The following ZPBP variants were observed in gnomAD, a reference collection of about 807,000 sequenced individuals.
The protein encoded by ZPBP is zona pellucida binding protein, also known as zona pellucida-binding protein 1.
Under a neutral mutation model 44.8 loss-of-function variants are expected in ZPBP, and 26 were observed. The observed-to-expected ratio is 0.58, with a 90% CI of 0.43 to 0.81. The LOEUF (loss-of-function observed/expected upper bound fraction) is 0.81. Ranked by LOEUF, ZPBP falls within the 30% of genes least tolerant of loss-of-function variation. The probability of loss-of-function intolerance (pLI) is 0.00; values close to 1 mark genes in which losing one functional copy is unlikely to be tolerated. For synonymous variants in ZPBP, 174 were observed against 153.2 expected (o/e 1.14, Z -1.00); for missense variants, 409 against 434.0 (o/e 0.94, Z 0.51).
intron 3 of ZPBP, among the ~76,000 whole-genome samples, chr7:50,072,835 A>T (rs1801914572): frequency 6.6e-6 from 1 of 152,228 alleles, no homozygotes; most frequent in African/African-American, 2.4e-5. Context: ...GTCCTTTCAA[A>T]TATCTGAAAA....
chr7:50,031,380 T>C, intron 4 of ZPBP, 70 bp from the exon 5 acceptor site: 1 of 1,118,428 alleles, frequency 8.9e-7, no homozygotes, highest in Non-Finnish European at 1.3e-6. Flanking sequence ...TGCAACTATT[T>C]AAGAAATATC....
At chr7:50,055,317 A>C (rs989894345) in intron 4 of ZPBP, among the ~76,000 whole-genome samples, 3 of 152,202 alleles carry the variant, frequency 2.0e-5, no homozygotes, top group Non-Finnish European at 2.9e-5. Flanking sequence ...AACACCATGT[A>C]GCTATTACAA....
chr7:50,069,493 C>T (rs535138079), intron 3 of ZPBP, among the ~76,000 whole-genome samples: 18 of 152,224 alleles, frequency 1.2e-4, no homozygotes, highest in African/African-American at 4.3e-4. Flanking sequence ...GGTCTGAATG[C>T]CTTGGATGTC....
chr7:49,923,043 TAAGAG>T (rs1187583634), intron 1 of ZPBP, among the ~76,000 whole-genome samples: 1 of 152,026 alleles, frequency 6.6e-6, no homozygotes, highest in Non-Finnish European at 1.5e-5. Flanking sequence ...AGAAACAACT[TAAGAG>T]AAAAGAGTGA....
intron 1 of ZPBP, among the ~76,000 whole-genome samples, chr7:49,905,782 G>T (rs934942021): frequency 6.8e-6 from 1 of 147,942 alleles, no homozygotes; most frequent in African/African-American, 2.5e-5. Context: ...GAAAGAGGTC[G>T]GCTCAAGAAA....
rs1036769494 is a variant in ZPBP at position 50,001,447 on chromosome 7, T to C, written c.783+16793A>G. On this transcript the variant is annotated intron_variant, in intron 6 of 7. Coordinates refer to ENST00000046087, the MANE Select transcript of ZPBP (RefSeq NM_007009.3). ...ACTCCCATCAGTTTTTCATTTGTGA[T>C]ACATATAGGTGGGGGAAAAAAACTT... Among the ~76,000 whole-genome samples, 3 of 152,166 alleles carry C rather than the reference T, an allele frequency of 2.0e-5. No homozygotes were observed. In the East Asian group the frequency reaches 5.8e-4, roughly 29 times the overall value.
chr7:49,847,582 G>C (rs1237566944), downstream of ZPBP, among the ~76,000 whole-genome samples: 1 of 152,206 alleles, frequency 6.6e-6, no homozygotes, highest in African/African-American at 2.4e-5. Context: ...GTTATACTCA[G>C]ATATCCCAAG....
At position 50,035,771 on chromosome 7, in the gene ZPBP, A is replaced by G. The variant is rs189364163; in HGVS notation, c.488-4461T>C. Among the ~76,000 whole-genome samples the G allele has an allele frequency of 1.2e-3, 127 of 103,508 alleles. 1 individual carries two copies. Among genetic ancestry groups the G allele is most frequent in the African/African-American group, 3.1e-3 (115 of 37,662 alleles). 67.9% of individuals were successfully genotyped at this position (103,508 alleles called of 152,430 possible). A position where few individuals can be genotyped will look rare whatever the true frequency, so the allele number is the denominator to read the frequency against. On this transcript the variant is annotated intron_variant, in intron 4 of 7. Coordinates refer to ENST00000046087, the MANE Select transcript of ZPBP (RefSeq NM_007009.3). ...TATTTTGTTGGTGGTAAGGATACAA[A>G]GAAGTATATGTACATTATTAAAATT...
At chr7:50,043,157 T>A (rs1340563517) in intron 4 of ZPBP, among the ~76,000 whole-genome samples, 1 of 152,206 alleles carries the variant, frequency 6.6e-6, no homozygotes, top group African/African-American at 2.4e-5. Flanking sequence ...CCAGAGCCCA[T>A]CCCTTGTTTC....
chr7:50,071,325 C>T (rs957411192), intron 3 of ZPBP, among the ~76,000 whole-genome samples: 2 of 152,146 alleles, frequency 1.3e-5, no homozygotes, highest in Admixed American at 1.3e-4. Flanking sequence ...CCAGCCCAAA[C>T]CAGAAGAGAA....
intron 3 of ZPBP, among the ~76,000 whole-genome samples, chr7:50,070,169 A>G (rs1193868389): frequency 1.3e-5 from 2 of 151,064 alleles, no homozygotes; most frequent in Non-Finnish European, 3.0e-5. Flanking sequence ...ACACCCACCC[A>G]CTCCCAGTTC....
chr7:50,018,431 G>C, intron 5 of ZPBP, 115 bp from the exon 6 acceptor site: 2 of 905,720 alleles, frequency 2.2e-6, no homozygotes, highest in South Asian at 3.3e-5. Context: ...AAAATATTAA[G>C]CAATTTTCCT....
At chr7:49,939,977 T>C (rs1363360124) in intron 7 of ZPBP, among the ~76,000 whole-genome samples, 10 of 152,168 alleles carry the variant, frequency 6.6e-5, no homozygotes, top group Admixed American at 5.2e-4. Context: ...GAAAAGGGAT[T>C]TGTGGTCTCA....
At chr7:49,902,663 G>T (rs1244152378) in intron 1 of ZPBP, among the ~76,000 whole-genome samples, 1 of 151,788 alleles carries the variant, frequency 6.6e-6, no homozygotes, top group African/African-American at 2.4e-5. Flanking sequence ...ACATTCTTAT[G>T]AAATAACAAG....
intron 2 of ZPBP, among the ~76,000 whole-genome samples, chr7:49,894,314 C>T (rs1268913581): frequency 6.6e-6 from 1 of 152,192 alleles, no homozygotes; most frequent in African/African-American, 2.4e-5. Flanking sequence ...CACCGCCATG[C>T]CCGGCTAATT....
At chr7:50,020,275 C>T (rs1370220705) in intron 5 of ZPBP, among the ~76,000 whole-genome samples, 1 of 152,026 alleles carries the variant, frequency 6.6e-6, no homozygotes, top group East Asian at 1.9e-4. Context: ...AATCTTTATA[C>T]AAGTTTAAGG....
chr7:49,895,697 T>C (rs921410877), intron 2 of ZPBP, among the ~76,000 whole-genome samples: 1 of 149,392 alleles, frequency 6.7e-6, no homozygotes, highest in Non-Finnish European at 1.5e-5. Flanking sequence ...TCTCTCTGAG[T>C]CTCATTTTTC....
chr7:49,991,352 C>T (rs1187256781), intron 6 of ZPBP, among the ~76,000 whole-genome samples: 2 of 152,042 alleles, frequency 1.3e-5, no homozygotes, highest in African/African-American at 2.4e-5. Context: ...AATGTGATCT[C>T]ATATTACTGA....
intron 7 of ZPBP, among the ~76,000 whole-genome samples, chr7:49,973,539 G>C: frequency 6.6e-6 from 1 of 151,998 alleles, no homozygotes. Context: ...GACTTAAATA[G>C]ACATTTCTCC....
Sources: gnomAD v4.1 joint callset for allele counts (sites outside exome capture counted in the v4.1 genomes callset) on GRCh38, gnomAD v4.1.1 for gene constraint, MANE v1.5 for transcripts, NCBI Gene and HGNC (gene_info 2026-07-23, HGNC 2026-07-21) for gene names.